The following ZNF469 variants were observed in gnomAD, a reference collection of about 807,000 sequenced individuals.
ZNF469 encodes zinc finger protein 469.
In ZNF469, 1 loss-of-function variant was observed where a neutral mutation model predicts 1.0. That is an observed-to-expected ratio of 1.00 (90% CI 0.35 to 4.73). The LOEUF is 4.73. Ranked by LOEUF, ZNF469 falls within the 30% of genes most tolerant of loss-of-function variation. The pLI is 0.16. For missense variants in ZNF469, 6,100 were observed against 5,356.3 expected, an observed-to-expected ratio of 1.14 and a Z score of -4.33; for synonymous variants, 2,703 against 2,363.4, an observed-to-expected ratio of 1.14 and a Z score of -4.17.
At chr16:88,410,956 C>G (rs1431484028) in intron 1 of ZNF469, among the ~76,000 whole-genome samples, 1 of 152,154 alleles carries the variant, frequency 6.6e-6, no homozygotes, top group Admixed American at 6.5e-5. Flanking sequence ...TCGTGGCCGC[C>G]TCACTCCACC....
Position 88,429,687 on chromosome 16 carries a change from C to G in ZNF469, c.2217C>G (p.Asn739Lys). Residue 739 changes from asparagine to lysine, a missense_variant, in exon 3 of 3, where the codon AAC becomes AAG. Transcript: ENST00000565624. ...TGACCTGCAGGCAGTGTGACCGCAA[C>G]TACAGCAGCCTGGCGGCCTTCCTGG... ...VLLTCRQCDR[N>K]YSSLAAFLAH... is the part of the protein sequence containing the mutation. 1.9e-6 allele frequency: 3 copies of G among 1,542,704 alleles called. No homozygotes were observed. Among genetic ancestry groups the G allele is most frequent in the Non-Finnish European group, 2.6e-6 (3 of 1,142,016 alleles).
In ZNF469 at chr16:88,435,804, C is replaced by A; in HGVS notation, c.8334C>A (p.Ser2778Arg). 2 of 1,550,532 alleles carry A rather than the reference C, an allele frequency of 1.3e-6. No individual in the cohort carries two copies. The highest frequency in any genetic ancestry group is 1.7e-6 in the Non-Finnish European group (2 of 1,146,946). ...KESGSEPAED[S>R]SRAHSRSEEG... ...CTGGGAGCGAGCCTGCGGAGGACAG[C>A]AGCAGGGCCCACAGCCGATCAGAGG... is the stretch of plus-strand genomic sequence containing the variant. The change falls in exon 3 of 3, where the codon AGC becomes AGA. Residue 2778 changes from serine to arginine, a missense_variant. Physicochemically the swap from Ser to Arg is moderately radical, Grantham distance 110 (BLOSUM62 -1). Transcript: ENST00000565624.
chr16:88,402,051 CATGGATGG>C (rs1299299888), intron 1 of ZNF469, among the ~76,000 whole-genome samples: 1 of 124,900 alleles, frequency 8.0e-6, no homozygotes, highest in Non-Finnish European at 1.6e-5. Flanking sequence ...TGGGTGAGTG[CATGGATGG>C]ATGGATGGAT....
chr16:88,344,970 A>T, the ZNF469 span, among the ~76,000 whole-genome samples: 4 of 152,162 alleles, frequency 2.6e-5, no homozygotes, highest in African/African-American at 7.2e-5. Context: ...AATGTTGTAT[A>T]TCCATCACAG....
chr16:88,324,213 C>A, the ZNF469 span, among the ~76,000 whole-genome samples: 3 of 152,264 alleles, frequency 2.0e-5, no homozygotes, highest in African/African-American at 7.2e-5. Flanking sequence ...GAAGTAGAGG[C>A]TGTCAGTTTC....
chr16:88,166,553 C>G, the ZNF469 span, among the ~76,000 whole-genome samples: 1 of 152,194 alleles, frequency 6.6e-6, no homozygotes, highest in Non-Finnish European at 1.5e-5. This position sits in a 1 kb window ranked among gnomAD's most constrained non-coding sequence, Gnocchi z 4.5. Context: ...TCTTCCCAGC[C>G]ATCCGTGTCC....
intron 1 of ZNF469, among the ~76,000 whole-genome samples, chr16:88,400,921 G>T (rs1567501370): frequency 6.6e-6 from 1 of 151,914 alleles, no homozygotes; most frequent in Non-Finnish European, 1.5e-5. Flanking sequence ...AGATGGAGGG[G>T]CCCAGAAACA....
chr16:88,428,093 CGGGGCCCCCCCAGAGCAG>C lies in ZNF469; in HGVS notation c.627_644del (p.Pro210_Gly215del), dbSNP rs1567508910. 9.7e-6 allele frequency: 15 copies of C among 1,549,942 alleles called. No homozygotes were observed. Among genetic ancestry groups the C allele is most frequent in the Non-Finnish European group, 1.1e-5 (13 of 1,146,820 alleles). On this transcript the variant is annotated inframe_deletion, in exon 3 of 3. Coordinates refer to ENST00000565624, the MANE Select transcript of ZNF469 (RefSeq NM_001367624.2). Reference sequence around the variant, plus strand: ...AGCGCCACCCCCAGGCCCCCAGCCCCGGGGCCCCCCCAGAGCAGGGGCACCAGCCCCCTCCAGCCCGGT... The same window carrying C: ...AGCGCCACCCCCAGGCCCCCAGCCCCGGGCACCAGCCCCCTCCAGCCCGGT...
the ZNF469 span, among the ~76,000 whole-genome samples, chr16:88,238,471 C>A: frequency 1.3e-5 from 2 of 150,508 alleles, no homozygotes; most frequent in African/African-American, 5.0e-5. Flanking sequence ...AATAGATAGA[C>A]CCTGGATAGA....
the ZNF469 span, among the ~76,000 whole-genome samples, chr16:88,107,327 A>G: frequency 6.6e-6 from 1 of 152,258 alleles, no homozygotes; most frequent in East Asian, 1.9e-4. Flanking sequence ...ATCATGGCGG[A>G]AGGCGAAGAA....
the ZNF469 span, among the ~76,000 whole-genome samples, chr16:88,359,419 C>T: frequency 3.3e-5 from 5 of 152,114 alleles, no homozygotes; most frequent in South Asian, 4.1e-4. Context: ...CGGTATCCTG[C>T]CCACATTTGC....
At chr16:88,399,867 G>A (rs1904804901) in intron 1 of ZNF469, among the ~76,000 whole-genome samples, 1 of 152,246 alleles carries the variant, frequency 6.6e-6, no homozygotes, top group Non-Finnish European at 1.5e-5. Context: ...TCTGCCAGGT[G>A]CTCCTCCGCA....
the ZNF469 span, among the ~76,000 whole-genome samples, chr16:88,344,482 G>T: frequency 4.2e-5 from 6 of 142,466 alleles, no homozygotes; most frequent in African/African-American, 6.2e-5. Flanking sequence ...CTGGGTTGCA[G>T]TGCTGGGCAC....
At chr16:88,159,456 G>A in the ZNF469 span, among the ~76,000 whole-genome samples, 1 of 152,168 alleles carries the variant, frequency 6.6e-6, no homozygotes, top group African/African-American at 2.4e-5. Flanking sequence ...TGGCTCTGTG[G>A]ATCTCGTGTC....
intron 1 of ZNF469, among the ~76,000 whole-genome samples, chr16:88,420,409 G>A (rs1041483498): frequency 2.6e-5 from 4 of 152,236 alleles, no homozygotes; most frequent in African/African-American, 4.8e-5. Context: ...GTTGATATCA[G>A]GGTGTCACAG....
upstream of ZNF469, among the ~76,000 whole-genome samples, chr16:88,382,721 C>T (rs897253448): frequency 1.6e-4 from 24 of 152,198 alleles, no homozygotes; most frequent in Non-Finnish European, 5.9e-5. Context: ...TTATGGCAGA[C>T]GTTTTTTAAG....
At chr16:88,203,307 G>A in the ZNF469 span, among the ~76,000 whole-genome samples, 1 of 152,130 alleles carries the variant, frequency 6.6e-6, no homozygotes, top group African/African-American at 2.4e-5. Flanking sequence ...GCTCAGGTGG[G>A]TTACTCATCC....
the ZNF469 span, among the ~76,000 whole-genome samples, chr16:88,327,381 C>T: frequency 6.6e-6 from 1 of 152,266 alleles, no homozygotes; most frequent in Admixed American, 6.5e-5. Context: ...GGTAGATGCA[C>T]CTTCACCTGC....
the ZNF469 span, among the ~76,000 whole-genome samples, chr16:88,107,112 C>T: frequency 4.6e-5 from 7 of 152,000 alleles, no homozygotes; most frequent in African/African-American, 1.7e-4. Flanking sequence ...GGTGCCGTGA[C>T]TGTCCCAGGC....
Sources: allele counts gnomAD v4.1 joint callset (sites outside exome capture counted in the v4.1 genomes callset), GRCh38; gene constraint gnomAD v4.1.1; non-coding constraint Gnocchi (gnomAD v3.1); transcripts MANE v1.5; gene names NCBI Gene and HGNC (gene_info 2026-07-23, HGNC 2026-07-21).